TMEM71: variants seen among roughly 807,000 people sequenced by gnomAD.
TMEM71 encodes the protein transmembrane protein 71.
Under a neutral mutation model 38.0 loss-of-function variants are expected in TMEM71, and 44 were observed. The ratio of observed to expected loss-of-function variants is 1.16; its 90% CI spans 0.91 to 1.49. The LOEUF is 1.49. Ranked by LOEUF, TMEM71 falls within the 40% of genes most tolerant of loss-of-function variation. TMEM71 has a pLI of 0.00. For synonymous variants in TMEM71, 133 were observed against 122.5 expected (o/e 1.09, Z -0.56); for missense variants, 367 against 348.6 (o/e 1.05, Z -0.42).
intron 7 of TMEM71, among the ~76,000 whole-genome samples, chr8:132,716,037 G>A (rs1174809408): frequency 6.6e-6 from 1 of 152,170 alleles, no homozygotes; most frequent in African/African-American, 2.4e-5. Flanking sequence ...CGCAGAGCCC[G>A]AGGGAGCCGA....
intron 7 of TMEM71, among the ~76,000 whole-genome samples, chr8:132,715,830 T>C (rs1384933936): frequency 1.3e-5 from 2 of 152,242 alleles, no homozygotes; most frequent in Non-Finnish European, 2.9e-5. Flanking sequence ...AGGTGAATAG[T>C]TTTCTGTATT....
At chr8:132,741,285 C>T (rs1270402360) in intron 5 of TMEM71, among the ~76,000 whole-genome samples, 8 of 152,172 alleles carry the variant, frequency 5.3e-5, no homozygotes, top group African/African-American at 1.9e-4. Context: ...ATTGCTTGAA[C>T]CAGGGAGACG....
chr8:132,767,446 T>A, the TMEM71 span, among the ~76,000 whole-genome samples: 1 of 151,946 alleles, frequency 6.6e-6, no homozygotes, highest in East Asian at 1.9e-4. Flanking sequence ...TATTCATGCT[T>A]ATAATTGTTT....
downstream of TMEM71, among the ~76,000 whole-genome samples, chr8:132,708,197 G>C (rs1410125841): frequency 6.6e-6 from 1 of 152,164 alleles, no homozygotes; most frequent in African/African-American, 2.4e-5. Flanking sequence ...AGAGGATTGA[G>C]GCTGGCCATT....
chr8:132,721,907 G>A, intron 7 of TMEM71, 133 bp downstream of exon 7: 1 of 788,062 alleles, frequency 1.3e-6, no homozygotes, highest in Non-Finnish European at 2.3e-6. Flanking sequence ...AACTTATCAT[G>A]GACAGACACA....
intron 5 of TMEM71, among the ~76,000 whole-genome samples, chr8:132,743,434 C>A (rs1383634093): frequency 6.6e-6 from 1 of 152,140 alleles, no homozygotes; most frequent in Non-Finnish European, 1.5e-5. Context: ...GCATGATTTG[C>A]CATTGCTGAG....
intron 1 of TMEM71, 81 bp from the exon 2 acceptor site, chr8:132,758,996 G>C: frequency 4.9e-6 from 4 of 812,696 alleles, no homozygotes; most frequent in Non-Finnish European, 6.3e-6. Context: ...TCTACTAATT[G>C]CACTAGTCAG....
upstream of TMEM71, among the ~76,000 whole-genome samples, chr8:132,761,761 G>T (rs1829300977): frequency 6.6e-6 from 1 of 152,180 alleles, no homozygotes. Flanking sequence ...CCATCTTGTT[G>T]GACTCTATTA....
intron 5 of TMEM71, among the ~76,000 whole-genome samples, chr8:132,744,614 A>C (rs1330643011): frequency 1.3e-5 from 2 of 152,248 alleles, no homozygotes; most frequent in African/African-American, 4.8e-5. Context: ...TGCCTAAAGC[A>C]ATCTACAAAT....
At chr8:132,761,610 G>A (rs1829297574), upstream of TMEM71, among the ~76,000 whole-genome samples, 2 of 152,134 alleles carry the variant, frequency 1.3e-5, no homozygotes, top group Non-Finnish European at 2.9e-5. Context: ...CAGGAGGAGG[G>A]CCCATCTAAT....
chr8:132,767,622 G>A, the TMEM71 span, among the ~76,000 whole-genome samples: 4 of 151,774 alleles, frequency 2.6e-5, no homozygotes, highest in South Asian at 2.1e-4. Flanking sequence ...CTACAGGTGC[G>A]CACCACCATG....
rs929444488 is a variant in TMEM71, at chr8:132,709,986, C to T, written c.*981G>A. 3 of 151,520 alleles carry T rather than the reference C, an allele frequency of 2.0e-5. No individual in the cohort carries two copies. The highest frequency in any genetic ancestry group is 4.4e-5 in the Non-Finnish European group (3 of 67,920). 9.4% of individuals were successfully genotyped at this position (151,520 alleles called of 1,614,324 possible). ...CTTATTTATTAGTTTATTTTTTAACCAAAAATGTACTAAATGCAAATTATA... is the reference window on the plus strand; with the variant it reads ...CTTATTTATTAGTTTATTTTTTAACTAAAAATGTACTAAATGCAAATTATA... On this transcript the variant is annotated 3_prime_UTR_variant, in exon 10 of 10. Transcript: ENST00000677595.
In TMEM71 at chr8:132,747,114, C is replaced by A; in HGVS notation, c.315G>T (p.Arg105Ser). The change falls in exon 5 of 10, where the codon AGG becomes AGT. Residue 105 changes from arginine (R) to serine (S), a missense_variant and splice_region_variant. Arg to Ser is a moderately radical substitution (Grantham distance 110). Transcript: ENST00000677595. ...TSVMYKENLV[R>S]IFRKKKRICH... Reference sequence around the variant, plus strand: ...AGATTCTCTTTTTCTTTCTAAATATCCTAGAGAGAAATGAAAGCATGGTGA... The same window carrying A: ...AGATTCTCTTTTTCTTTCTAAATATACTAGAGAGAAATGAAAGCATGGTGA... 1 of 1,590,000 alleles carries A rather than the reference C, an allele frequency of 6.3e-7. No individual in the cohort carries two copies.
chr8:132,734,248 G>T (rs1278626290), intron 5 of TMEM71, among the ~76,000 whole-genome samples: 2 of 151,980 alleles, frequency 1.3e-5, no homozygotes, highest in Non-Finnish European at 2.9e-5. Context: ...TACCTTGATT[G>T]TGGTGATGGA....
chr8:132,713,191 C>T (rs1013985964), intron 9 of TMEM71, among the ~76,000 whole-genome samples: 1 of 122,224 alleles, frequency 8.2e-6, no homozygotes, highest in Non-Finnish European at 1.5e-5. Flanking sequence ...CTTGAGCTAC[C>T]CAGAGATTCG....
rs533676596 is a variant in TMEM71, at chr8:132,758,873, G to C, written c.7C>G (p.Arg3Gly). The part of the protein sequence containing the change: MY[R>G]ISQLMSTPVA... ...GGTGTTGACATCAGTTGAGATATTC[G>C]GTACATCTTGGGAAGGCCGCTTGCT... is the stretch of plus-strand genomic sequence containing the variant. Residue 3 changes from arginine (R) to glycine (G), a missense_variant, in exon 2 of 10, where the codon CGA becomes GGA. Physicochemically the swap from Arg to Gly is moderately radical, Grantham distance 125 (BLOSUM62 -2). Coordinates refer to ENST00000677595, the MANE Select transcript of TMEM71 (RefSeq NM_001382403.1). The C allele has an allele frequency of 1.0e-4, 166 of 1,613,462 alleles. 2 individuals carry two copies. In the South Asian group the frequency reaches 1.7e-3, roughly 16 times the overall value.
intron 6 of TMEM71, among the ~76,000 whole-genome samples, chr8:132,726,635 G>A (rs1174967521): frequency 2.0e-5 from 3 of 152,170 alleles, no homozygotes; most frequent in African/African-American, 4.8e-5. Flanking sequence ...ATCTCAGCAA[G>A]CCAATGACAG....
At chr8:132,761,487 G>C (rs1829294646), upstream of TMEM71, among the ~76,000 whole-genome samples, 1 of 152,200 alleles carries the variant, frequency 6.6e-6, no homozygotes, top group Non-Finnish European at 1.5e-5. Context: ...GGCACCAGTT[G>C]GTCCGGCTGG....
chr8:132,741,418 G>C (rs1014984892), intron 5 of TMEM71, among the ~76,000 whole-genome samples: 2 of 152,128 alleles, frequency 1.3e-5, no homozygotes, highest in Non-Finnish European at 2.9e-5. Context: ...ACCTGGGCCC[G>C]GGGGACCACT....
Sources: gnomAD v4.1 joint callset for allele counts (sites outside exome capture counted in the v4.1 genomes callset) on GRCh38, gnomAD v4.1.1 for gene constraint, MANE v1.5 for transcripts, NCBI Gene and HGNC (gene_info 2026-07-23, HGNC 2026-07-21) for gene names.